Variants in COL27A1 observed in about 807,000 individuals in gnomAD.
COL27A1 encodes the protein collagen alpha-1(XXVII) chain.
A neutral mutation model predicts 251.3 loss-of-function variants in COL27A1; 106 were observed. The observed-to-expected ratio is 0.42, with a 90% CI of 0.36 to 0.50. The LOEUF (loss-of-function observed/expected upper bound fraction) is 0.50, where lower values mean the gene tolerates loss of function less well. Among genes scored for constraint, COL27A1 ranks in the 20% least tolerant of loss-of-function variants. COL27A1 has a pLI of 0.00. For synonymous variants in COL27A1, 1,000 were observed against 986.3 expected, an observed-to-expected ratio of 1.01 and a Z score of -0.26; for missense variants, 2,325 against 2,522.8, an observed-to-expected ratio of 0.92 and a Z score of 1.68.
In COL27A1 at chr9:114,288,705, C is replaced by T. The variant is rs1019381389; in HGVS notation, c.4048C>T (p.Pro1350Ser). ...GPPGPPGDRG[P>S]VGDRGDRGEP... The stretch of plus-strand genomic sequence containing the variant: ...TGCTGTTGTCTTTGTCATTCAGGGC[C>T]CTGTGGGTGATCGAGGAGACCGCGG... Residue 1350 changes from proline to serine, a missense_variant, in exon 43 of 61, where the codon CCT becomes TCT. Coordinates refer to ENST00000356083, the MANE Select transcript of COL27A1 (RefSeq NM_032888.4). 1 of 1,610,280 alleles carries T rather than the reference C, an allele frequency of 6.2e-7. No homozygotes were observed. Among genetic ancestry groups the T allele is most frequent in the African/African-American group, 1.3e-5 (1 of 74,842 alleles).
chr9:114,168,841 A>AC lies in COL27A1; in HGVS notation c.1289dup (p.Met432AsnfsTer20). 1 of 1,613,802 alleles carries AC rather than the reference A, an allele frequency of 6.2e-7. No individual in the cohort carries two copies. The highest frequency in any genetic ancestry group is 8.5e-7 in the Non-Finnish European group (1 of 1,179,948). On this transcript the variant is annotated frameshift_variant, in exon 3 of 61. Transcript: ENST00000356083. LOFTEE classifies it high-confidence loss of function. Reference sequence around the variant, plus strand: ...CCCGCAGAGAAGCCCATCCAGAGGAACCCGGGAATGCCCAGGCCCCCACCG... The same window carrying AC: ...CCCGCAGAGAAGCCCATCCAGAGGAACCCCGGGAATGCCCAGGCCCCCACCG...
chr9:114,231,241 A>T, intron 15 of COL27A1, 109 bp downstream of exon 15: 1 of 1,060,928 alleles, frequency 9.4e-7, no homozygotes, highest in Non-Finnish European at 1.4e-6. Flanking sequence ...GGAAGGGAGG[A>T]TGGCAGGATG....
At chr9:114,260,604 G>C (rs551237524) in intron 28 of COL27A1, among the ~76,000 whole-genome samples, 1 of 152,194 alleles carries the variant, frequency 6.6e-6, no homozygotes, top group Non-Finnish European at 1.5e-5. Flanking sequence ...TGTGTAGGAC[G>C]GGCCCTGCTC....
chr9:114,260,788 C>A (rs1834265226), intron 28 of COL27A1, among the ~76,000 whole-genome samples: 2 of 152,286 alleles, frequency 1.3e-5, no homozygotes, highest in South Asian at 2.1e-4. Flanking sequence ...AGTCTCAGCA[C>A]CCCCGGTTCC....
chr9:114,303,590 G>A (rs1828822322), intron 56 of COL27A1, among the ~76,000 whole-genome samples: 1 of 152,146 alleles, frequency 6.6e-6, no homozygotes, highest in Non-Finnish European at 1.5e-5. Flanking sequence ...CAGTTCTTGT[G>A]AGGAAGTTTT....
chr9:114,217,379 C>T lies in COL27A1; in HGVS notation c.2368-2412C>T, dbSNP rs1015808274. On this transcript the variant is annotated intron_variant, in intron 12 of 60. Coordinates refer to ENST00000356083, the MANE Select transcript of COL27A1 (RefSeq NM_032888.4). The stretch of plus-strand genomic sequence containing the variant: ...TTTGGATGGCAAAGAGAACTGAGGC[C>T]CCAAGAGGCCTGTGGGTGGTGCAGT... 2.6e-5 allele frequency among the ~76,000 whole-genome samples: 4 copies of T among 152,264 alleles called. 1 individual carries two copies. In the East Asian group the frequency reaches 7.7e-4, roughly 29 times the overall value.
intron 5 of COL27A1, among the ~76,000 whole-genome samples, chr9:114,187,501 T>C (rs570089211): frequency 6.6e-6 from 1 of 152,392 alleles, no homozygotes; most frequent in Non-Finnish European, 1.5e-5. Context: ...TCCAAGATGC[T>C]AAATAACTTG....
intron 5 of COL27A1, among the ~76,000 whole-genome samples, chr9:114,193,871 C>T (rs1004444149): frequency 5.9e-5 from 9 of 152,086 alleles, no homozygotes; most frequent in Admixed American, 2.6e-4. Context: ...GCCACGTGCA[C>T]GGGCAGAGAC....
intron 23 of COL27A1, among the ~76,000 whole-genome samples, chr9:114,244,050 C>T (rs1159502782): frequency 1.3e-5 from 2 of 151,794 alleles, no homozygotes; most frequent in Non-Finnish European, 2.9e-5. Context: ...CTCAGCCTCC[C>T]GAGTAGCTGG....
At chr9:114,301,239 G>A (rs1828603609) in intron 52 of COL27A1, 45 bp from the exon 53 acceptor site, 4 of 1,610,406 alleles carry the variant, frequency 2.5e-6, no homozygotes, top group Admixed American at 1.7e-5. Flanking sequence ...TGGAAATGGG[G>A]CTTCACCTCT....
chr9:114,213,686 G>A (rs1047898555), intron 12 of COL27A1, among the ~76,000 whole-genome samples: 3 of 152,114 alleles, frequency 2.0e-5, no homozygotes, highest in Non-Finnish European at 2.9e-5. Flanking sequence ...TGAGGCCCTC[G>A]GTGTGCATAG....
In COL27A1 at chr9:114,290,839, C is replaced by A. The variant is rs1238571660; in HGVS notation, c.4398C>A (p.Gly1466=). 2.4e-5 allele frequency: 37 copies of A among 1,551,318 alleles called. No individual in the cohort carries two copies. Among genetic ancestry groups the A allele is most frequent in the Non-Finnish European group, 3.0e-5 (34 of 1,146,814 alleles). The change falls in exon 48 of 61, where the codon GGC becomes GGA. Residue 1466 remains glycine (G), a synonymous_variant. Transcript: ENST00000356083. The surrounding 1 kb of genome is among the most constrained non-coding windows in gnomAD (Gnocchi z 4.6). ...QGEQGDDGDP[G]PMGPAGKRGN... The stretch of plus-strand genomic sequence containing the variant: ...AGCAGGGAGACGATGGGGACCCTGG[C>A]CCCATGGGCCCTGCTGGGAAGAGAG...
intron 49 of COL27A1, among the ~76,000 whole-genome samples, chr9:114,293,606 A>T (rs1338949847): frequency 1.3e-5 from 2 of 152,120 alleles, no homozygotes; most frequent in African/African-American, 4.8e-5. Context: ...AAAACTGATA[A>T]ACCTCTTGCC....
intron 12 of COL27A1, among the ~76,000 whole-genome samples, chr9:114,215,694 C>T (rs1238899682): frequency 4.6e-5 from 7 of 152,070 alleles, no homozygotes; most frequent in Non-Finnish European, 8.8e-5. Context: ...ACTTCCAGGC[C>T]TTGGAGAATG....
chr9:114,305,800 G>A (rs1828997400), intron 57 of COL27A1, among the ~76,000 whole-genome samples: 1 of 152,202 alleles, frequency 6.6e-6, no homozygotes, highest in South Asian at 2.1e-4. Context: ...GTCTGTCCAG[G>A]CAGAAGAAAT....
intron 12 of COL27A1, chr9:114,217,950 C>A (rs1264493604): frequency 5.1e-6 from 2 of 392,748 alleles, no homozygotes; most frequent in African/African-American, 2.1e-5. Flanking sequence ...CCCATCTTTA[C>A]CAAAAATACA....
chr9:114,214,405 C>T (rs1830577162), intron 12 of COL27A1, among the ~76,000 whole-genome samples: 1 of 152,216 alleles, frequency 6.6e-6, no homozygotes, highest in African/African-American at 2.4e-5. Context: ...AGTCTTTCCC[C>T]AGCAGGCAAA....
At chr9:114,201,376 A>C (rs1472556787) in intron 7 of COL27A1, among the ~76,000 whole-genome samples, 1 of 152,190 alleles carries the variant, frequency 6.6e-6, no homozygotes, top group Non-Finnish European at 1.5e-5. Context: ...GGGCCCTGTC[A>C]TTTGAAGCTA....
chr9:114,192,696 C>T (rs1057427384), intron 5 of COL27A1, among the ~76,000 whole-genome samples: 3 of 152,184 alleles, frequency 2.0e-5, no homozygotes, highest in Non-Finnish European at 4.4e-5. Context: ...CACCTTTGTC[C>T]TTCCTTGGAA....
Sources: gnomAD v4.1 joint callset for allele counts (sites outside exome capture counted in the v4.1 genomes callset) on GRCh38, gnomAD v4.1.1 for gene constraint, Gnocchi (gnomAD v3.1) non-coding constraint, MANE v1.5 for transcripts, NCBI Gene and HGNC (gene_info 2026-07-23, HGNC 2026-07-21) for gene names.